ETV6: variants seen among roughly 807,000 people sequenced by gnomAD.
ETV6 encodes transcription factor ETV6.
In ETV6, 16 loss-of-function variants were observed where a neutral mutation model predicts 51.1. The ratio of observed to expected loss-of-function variants is 0.31; its 90% CI spans 0.21 to 0.48. ETV6 has a LOEUF of 0.48. Among genes scored for constraint, ETV6 ranks in the 20% least tolerant of loss-of-function variants. ETV6 has a pLI of 0.99. For missense variants in ETV6, 458 were observed against 594.8 expected (o/e 0.77, Z 2.39); for synonymous variants, 240 against 224.1 (o/e 1.07, Z -0.64).
intron 2 of ETV6, among the ~76,000 whole-genome samples, chr12:11,807,908 C>T (rs2213176): frequency 0.19 from 29,597 of 152,110 alleles, 3,634 homozygotes; most frequent in East Asian, 0.31. Flanking sequence ...GTTGCTTGAC[C>T]TATGTTTTTT....
At chr12:11,758,388 T>C (rs547571963) in intron 2 of ETV6, among the ~76,000 whole-genome samples, 7 of 152,202 alleles carry the variant, frequency 4.6e-5, no homozygotes, top group Non-Finnish European at 1.0e-4. Context: ...GGCTTCCCCA[T>C]GCAGGAGCCA....
chr12:11,768,478 G>C (rs994623247), intron 2 of ETV6, among the ~76,000 whole-genome samples: 8 of 152,144 alleles, frequency 5.3e-5, no homozygotes, highest in African/African-American at 1.7e-4. Flanking sequence ...TGGTAGCAGA[G>C]CCAGAATTTG....
At chr12:11,863,921 A>G (rs1206912704) in intron 4 of ETV6, among the ~76,000 whole-genome samples, 2 of 152,302 alleles carry the variant, frequency 1.3e-5, no homozygotes, top group South Asian at 4.1e-4. Flanking sequence ...TGCCCAGACC[A>G]CCAGGAGCCT....
intron 4 of ETV6, among the ~76,000 whole-genome samples, chr12:11,865,069 G>T (rs1457455365): frequency 6.6e-6 from 1 of 152,094 alleles, no homozygotes; most frequent in African/African-American, 2.4e-5. Context: ...GGCTAACATG[G>T]TGAAACCCTG....
At chr12:11,695,167 T>C (rs1340117781) in intron 1 of ETV6, among the ~76,000 whole-genome samples, 1 of 152,212 alleles carries the variant, frequency 6.6e-6, no homozygotes, top group Non-Finnish European at 1.5e-5. Flanking sequence ...CAAATTCATA[T>C]GACCCCTTAG....
At chr12:11,889,741 A>G (rs1230895679) in intron 7 of ETV6, among the ~76,000 whole-genome samples, 1 of 152,236 alleles carries the variant, frequency 6.6e-6, no homozygotes, top group Non-Finnish European at 1.5e-5. Flanking sequence ...CTAGGTAAAG[A>G]TGGCAGAAAG....
At chr12:11,653,920 C>A (rs1423441205) in intron 1 of ETV6, among the ~76,000 whole-genome samples, 1 of 152,110 alleles carries the variant, frequency 6.6e-6, no homozygotes, top group Non-Finnish European at 1.5e-5. Flanking sequence ...TCAAGCAATT[C>A]TCCTGCCTCA....
At chr12:11,745,441 C>G (rs1394334160) in intron 1 of ETV6, among the ~76,000 whole-genome samples, 1 of 152,228 alleles carries the variant, frequency 6.6e-6, no homozygotes, top group Non-Finnish European at 1.5e-5. Context: ...CTACTACAAG[C>G]AAGCCTTGAG....
intron 2 of ETV6, among the ~76,000 whole-genome samples, chr12:11,822,381 G>T (rs1178559643): frequency 6.6e-6 from 1 of 152,196 alleles, no homozygotes. Flanking sequence ...TGCCTTGTGC[G>T]TTAGAACTCT....
At chr12:11,876,186 G>T (rs1477950253) in intron 5 of ETV6, among the ~76,000 whole-genome samples, 2 of 152,158 alleles carry the variant, frequency 1.3e-5, no homozygotes, top group African/African-American at 4.8e-5. Flanking sequence ...AGACCAACCA[G>T]AATAGTTACG....
At chr12:11,863,731 T>G (rs1486922316) in intron 4 of ETV6, among the ~76,000 whole-genome samples, 2 of 152,214 alleles carry the variant, frequency 1.3e-5, no homozygotes, top group Non-Finnish European at 2.9e-5. Context: ...GTCCGGAGCT[T>G]CTCTGCCTGC....
At chr12:11,788,764 T>G (rs1379848202) in intron 2 of ETV6, among the ~76,000 whole-genome samples, 2 of 151,694 alleles carry the variant, frequency 1.3e-5, no homozygotes, top group East Asian at 3.9e-4. Flanking sequence ...TGGTTTTTTT[T>G]TTTTTTTTTC....
At chr12:11,703,655 C>G (rs1206718806) in intron 1 of ETV6, among the ~76,000 whole-genome samples, 3 of 152,158 alleles carry the variant, frequency 2.0e-5, no homozygotes, top group African/African-American at 2.4e-5. Context: ...CATGTTAAGT[C>G]GTGGGGGCTA....
intron 5 of ETV6, among the ~76,000 whole-genome samples, chr12:11,875,861 T>C (rs1946974473): frequency 6.6e-6 from 1 of 152,242 alleles, no homozygotes; most frequent in African/African-American, 2.4e-5. Flanking sequence ...GTATTGCCTA[T>C]GTCTGCTTCC....
At chr12:11,690,941 C>T (rs1303840248) in intron 1 of ETV6, among the ~76,000 whole-genome samples, 1 of 144,322 alleles carries the variant, frequency 6.9e-6, no homozygotes, top group African/African-American at 2.6e-5. Flanking sequence ...TAATAACCAA[C>T]TATGTAGTCA....
At chr12:11,796,947 C>T (rs1302286423) in intron 2 of ETV6, among the ~76,000 whole-genome samples, 3 of 152,108 alleles carry the variant, frequency 2.0e-5, no homozygotes, top group African/African-American at 7.2e-5. Flanking sequence ...GCACCATGCT[C>T]AGCTAATTTT....
At chr12:11,816,933 C>T (rs891749610) in intron 2 of ETV6, among the ~76,000 whole-genome samples, 5 of 152,230 alleles carry the variant, frequency 3.3e-5, no homozygotes, top group Non-Finnish European at 5.9e-5. Flanking sequence ...AGGATGTTCA[C>T]AGTCCCAAGC....
intron 7 of ETV6, among the ~76,000 whole-genome samples, chr12:11,888,905 G>A (rs1240387969): frequency 6.6e-6 from 1 of 152,138 alleles, no homozygotes; most frequent in Non-Finnish European, 1.5e-5. Flanking sequence ...GGGACCAGAA[G>A]TGTTTCCAGT....
chr12:11,800,649 T>A (rs1945734321), intron 2 of ETV6, among the ~76,000 whole-genome samples: 1 of 152,190 alleles, frequency 6.6e-6, no homozygotes, highest in South Asian at 2.1e-4. Context: ...CATTACTGGC[T>A]TATTTCACTT....
Sources: allele counts gnomAD v4.1 joint callset (sites outside exome capture counted in the v4.1 genomes callset), GRCh38; gene constraint gnomAD v4.1.1; transcripts MANE v1.5; gene names NCBI Gene and HGNC (gene_info 2026-07-23, HGNC 2026-07-21).